SMPD3: variants seen among roughly 807,000 people sequenced by gnomAD.
SMPD3 encodes nSMase-2.
A neutral mutation model predicts 55.7 loss-of-function variants in SMPD3; 21 were observed. The ratio of observed to expected loss-of-function variants is 0.38; its 90% CI spans 0.27 to 0.54. The LOEUF is 0.54. SMPD3 is among the 20% of genes least tolerant of loss of function. The probability of loss-of-function intolerance (pLI) is 0.80; values close to 1 mark genes in which losing one functional copy is unlikely to be tolerated. For missense variants in SMPD3, 842 were observed against 899.6 expected, an observed-to-expected ratio of 0.94 and a Z score of 0.82; for synonymous variants, 457 against 404.3, an observed-to-expected ratio of 1.13 and a Z score of -1.56.
intron 1 of SMPD3, among the ~76,000 whole-genome samples, chr16:68,417,516 C>A (rs574516107): frequency 2.6e-5 from 4 of 152,320 alleles, no homozygotes; most frequent in Non-Finnish European, 5.9e-5. Context: ...ACTTGAGAGA[C>A]ATTTGTTTAT....
At chr16:68,416,343 C>G (rs1258270604) in intron 1 of SMPD3, among the ~76,000 whole-genome samples, 3 of 152,202 alleles carry the variant, frequency 2.0e-5, no homozygotes, top group Non-Finnish European at 4.4e-5. Context: ...CTTCCCATCT[C>G]CCTCTCTCTG....
Position 68,372,294 on chromosome 16 carries a change from C to T in SMPD3, c.-113G>A. The T allele has an allele frequency of 7.2e-7, 1 of 1,389,802 alleles. No individual in the cohort carries two copies. The highest frequency in any genetic ancestry group is 9.8e-7 in the Non-Finnish European group (1 of 1,016,776). 86.1% of individuals were successfully genotyped at this position (1,389,802 alleles called of 1,614,324 possible). Reference sequence around the variant, plus strand: ...GGGGCAGCTGGAGGAGGGGTCACCTCCTGGCGAGATGCAACTCCGGCTGGT... The same window carrying T: ...GGGGCAGCTGGAGGAGGGGTCACCTTCTGGCGAGATGCAACTCCGGCTGGT... On this transcript the variant is annotated 5_prime_UTR_variant, in exon 3 of 9. Coordinates refer to ENST00000219334, the MANE Select transcript of SMPD3 (RefSeq NM_018667.4).
At chr16:68,386,067 CA>C (rs1399282034) in intron 2 of SMPD3, among the ~76,000 whole-genome samples, 2 of 152,016 alleles carry the variant, frequency 1.3e-5, no homozygotes, top group African/African-American at 4.8e-5. Flanking sequence ...GCAGAAAACA[CA>C]AAAATTAGCC....
At chr16:68,401,610 GT>G (rs1429091201) in intron 1 of SMPD3, among the ~76,000 whole-genome samples, 1 of 152,062 alleles carries the variant, frequency 6.6e-6, no homozygotes, top group Non-Finnish European at 1.5e-5. Flanking sequence ...TGCCTAAAAG[GT>G]AATTATCTGA....
chr16:68,441,765 AT>A (rs2090567717), intron 1 of SMPD3, among the ~76,000 whole-genome samples: 1 of 151,976 alleles, frequency 6.6e-6, no homozygotes, highest in Non-Finnish European at 1.5e-5. Context: ...TATTTTAAAA[AT>A]TTTTTAAATT....
At chr16:68,406,661 C>T (rs1343605808) in intron 1 of SMPD3, among the ~76,000 whole-genome samples, 1 of 152,188 alleles carries the variant, frequency 6.6e-6, no homozygotes, top group Admixed American at 6.5e-5. Flanking sequence ...TATCAGACGC[C>T]GATGTGGTTC....
intron 1 of SMPD3, among the ~76,000 whole-genome samples, chr16:68,436,959 G>T (rs1471078030): frequency 6.6e-6 from 1 of 152,226 alleles, no homozygotes. Flanking sequence ...GTGAGATAAG[G>T]TTGGCAGTAT....
At chr16:68,432,486 T>C (rs184925517) in intron 1 of SMPD3, among the ~76,000 whole-genome samples, 6 of 152,374 alleles carry the variant, frequency 3.9e-5, no homozygotes, top group Admixed American at 2.6e-4. Flanking sequence ...ATTTTTGTCC[T>C]TTTCAAAAGA....
chr16:68,387,351 C>T (rs191690657), intron 1 of SMPD3, among the ~76,000 whole-genome samples: 18 of 152,222 alleles, frequency 1.2e-4, no homozygotes, highest in African/African-American at 3.9e-4. Context: ...GAACCTAGGC[C>T]TTTGGACACG....
rs1264465695 is a variant in SMPD3 at position 68,404,795 on chromosome 16, G to GA, written c.-268-18137dup. On this transcript the variant is annotated intron_variant, in intron 1 of 8. Coordinates refer to ENST00000219334, the MANE Select transcript of SMPD3 (RefSeq NM_018667.4). The surrounding 1 kb of genome is among the most constrained non-coding windows in gnomAD (Gnocchi z 4.0). Reference sequence around the variant, plus strand: ...AAGTCTTTCCATCCAAATTGGAAATGAAAAGGCCCTGGTACTTGACAGATC... The same window carrying GA: ...AAGTCTTTCCATCCAAATTGGAAATGAAAAAGGCCCTGGTACTTGACAGATC... 2.0e-5 allele frequency among the ~76,000 whole-genome samples: 3 copies of GA among 152,202 alleles called. No individual in the cohort carries two copies. In the East Asian group the frequency reaches 5.8e-4, roughly 29 times the overall value.
chr16:68,385,304 A>T (rs1297188490), intron 2 of SMPD3, among the ~76,000 whole-genome samples: 1 of 152,178 alleles, frequency 6.6e-6, no homozygotes, highest in Non-Finnish European at 1.5e-5. Context: ...CATATCCAGA[A>T]ATATGTAAAT....
chr16:68,366,540 A>G (rs2089484480), intron 3 of SMPD3, among the ~76,000 whole-genome samples: 1 of 152,240 alleles, frequency 6.6e-6, no homozygotes, highest in Non-Finnish European at 1.5e-5. Context: ...TCTGCTGCAA[A>G]AACAAAACAC....
chr16:68,435,973 C>A (rs1288184934), intron 1 of SMPD3, among the ~76,000 whole-genome samples: 1 of 152,216 alleles, frequency 6.6e-6, no homozygotes, highest in Non-Finnish European at 1.5e-5. Context: ...AGCTAATCCT[C>A]TGCGATCCCT....
intron 1 of SMPD3, among the ~76,000 whole-genome samples, chr16:68,423,698 C>T (rs1049663595): frequency 6.6e-6 from 1 of 152,174 alleles, no homozygotes; most frequent in Non-Finnish European, 1.5e-5. Flanking sequence ...TGTTCCTGAA[C>T]CCCAGATCTC....
At chr16:68,398,828 T>G (rs901395946) in intron 1 of SMPD3, among the ~76,000 whole-genome samples, 2 of 152,196 alleles carry the variant, frequency 1.3e-5, no homozygotes, top group Non-Finnish European at 2.9e-5. Context: ...CAGAATCTTT[T>G]GTGGGCCTTG....
At chr16:68,432,892 C>T (rs2090491353) in intron 1 of SMPD3, among the ~76,000 whole-genome samples, 1 of 152,196 alleles carries the variant, frequency 6.6e-6, no homozygotes, top group African/African-American at 2.4e-5. Context: ...ACATCTCAAC[C>T]TCCCAGGCTC....
chr16:68,363,489 T>G lies in SMPD3; in HGVS notation c.1709+7A>C, dbSNP rs781696121. The G allele has an allele frequency of 1.4e-5, 23 of 1,613,880 alleles. No homozygotes were observed. The highest frequency in any genetic ancestry group is 8.3e-5 in the Admixed American group (5 of 59,996). On this transcript the variant is annotated splice_region_variant and intron_variant, in intron 7 of 8. Coordinates refer to ENST00000219334, the MANE Select transcript of SMPD3 (RefSeq NM_018667.4). ...CCTCGTCCCTGGCCTGGGAGCGCAG[T>G]GCTTACTTCTGCAGGTTGTCGGGGG...
rs2090618230 is a variant in SMPD3, at chr16:68,447,352, T to C, written c.-269+1001A>G. Reference sequence around the variant, plus strand: ...AGTGCTTGAGGGGAGACCCGCCCCGTCCCGCTCTGTACATGCCCATCTGGG... The same window carrying C: ...AGTGCTTGAGGGGAGACCCGCCCCGCCCCGCTCTGTACATGCCCATCTGGG... On this transcript the variant is annotated intron_variant, in intron 1 of 8. Coordinates refer to ENST00000219334, the MANE Select transcript of SMPD3 (RefSeq NM_018667.4). The surrounding 1 kb of genome is among the most constrained non-coding windows in gnomAD (Gnocchi z 5.1). Among the ~76,000 whole-genome samples the C allele has an allele frequency of 6.6e-6, 1 of 152,094 alleles. No individual in the cohort carries two copies. Among genetic ancestry groups the C allele is most frequent in the Non-Finnish European group, 1.5e-5 (1 of 67,990 alleles).
chr16:68,416,460 T>G (rs1266353137), intron 1 of SMPD3, among the ~76,000 whole-genome samples: 1 of 152,076 alleles, frequency 6.6e-6, no homozygotes, highest in African/African-American at 2.4e-5. Flanking sequence ...CCTCCTACCC[T>G]CCTGTCCAGA....
Sources: allele counts gnomAD v4.1 joint callset (sites outside exome capture counted in the v4.1 genomes callset), GRCh38; gene constraint gnomAD v4.1.1; non-coding constraint Gnocchi (gnomAD v3.1); transcripts MANE v1.5; gene names NCBI Gene and HGNC (gene_info 2026-07-23, HGNC 2026-07-21).